Variants in EI24 observed in about 807,000 individuals in gnomAD.
The protein encoded by EI24 is etoposide-induced protein 2.4 homolog.
Under a neutral mutation model 48.6 loss-of-function variants are expected in EI24, and 21 were observed. The ratio of observed to expected loss-of-function variants is 0.43; its 90% CI spans 0.31 to 0.62. EI24 has a LOEUF of 0.62. Ranked by LOEUF, EI24 falls within the 20% of genes least tolerant of loss-of-function variation. EI24 has a pLI of 0.10. For synonymous variants in EI24, 114 were observed against 145.5 expected, an observed-to-expected ratio of 0.78 and a Z score of 1.56; for missense variants, 280 against 410.5, an observed-to-expected ratio of 0.68 and a Z score of 2.75.
intron 2 of EI24, among the ~76,000 whole-genome samples, chr11:125,574,493 T>C (rs1374228090): frequency 6.6e-6 from 1 of 152,248 alleles, no homozygotes; most frequent in African/African-American, 2.4e-5. Context: ...CAATTTATGT[T>C]CCTGTTAACA....
chr11:125,573,276 A>G (rs12288996), intron 2 of EI24, among the ~76,000 whole-genome samples: 1,890 of 152,244 alleles, frequency 0.012, 34 homozygotes, highest in African/African-American at 0.034. Context: ...CCCTATAAAG[A>G]TCTGGTTAGG....
At chr11:125,581,928 C>T (rs566186272) in intron 9 of EI24, among the ~76,000 whole-genome samples, 15 of 152,008 alleles carry the variant, frequency 9.9e-5, no homozygotes, top group Non-Finnish European at 1.8e-4. Flanking sequence ...CTGGGTGCCA[C>T]GGCTCACGCC....
intron 5 of EI24, 151 bp from the exon 6 acceptor site, chr11:125,577,982 G>T: frequency 1.2e-6 from 1 of 858,040 alleles, no homozygotes; most frequent in Non-Finnish European, 1.8e-6. Context: ...TCTATTATGA[G>T]TTAGACTCTT....
chr11:125,577,527 A>T lies in EI24; in HGVS notation c.273A>T (p.Arg91=). 1 of 1,613,770 alleles carries T rather than the reference A, an allele frequency of 6.2e-7. No individual in the cohort carries two copies. The highest frequency in any genetic ancestry group is 8.5e-7 in the Non-Finnish European group (1 of 1,179,836). The change falls in exon 5 of 11, where the codon CGA becomes CGT. Residue 91 remains arginine, a synonymous_variant. Transcript: ENST00000278903. ...AGTTCAGTCTCCTCTTGTTTTATCG[A>T]GTATTTATTCCTGTGCTTCAGTCGG... ...VFWFSLLLFY[R]VFIPVLQSVT... is the part of the protein sequence containing the mutation.
At chr11:125,582,673 CAT>C (rs1939063165) in intron 10 of EI24, among the ~76,000 whole-genome samples, 1 of 152,112 alleles carries the variant, frequency 6.6e-6, no homozygotes, top group Non-Finnish European at 1.5e-5. Flanking sequence ...GACCTGGCCA[CAT>C]GAGTTTATTG....
At chr11:125,573,734 G>A (rs1938624723) in intron 2 of EI24, among the ~76,000 whole-genome samples, 1 of 140,040 alleles carries the variant, frequency 7.1e-6, no homozygotes, top group South Asian at 2.3e-4. Context: ...CAGGCTGGAG[G>A]GCAGTGGTGC....
chr11:125,581,097 A>ATAATAATAG lies in EI24; in HGVS notation c.674-106_674-105insGTAATAATA, dbSNP rs529208672. On this transcript the variant is annotated intron_variant, in intron 8 of 10. Transcript: ENST00000278903. ...ATCTCAAATAATAATAATAATAATA[A>ATAATAATAG]TAATAATAATAATAAAATCTGTACC... The ATAATAATAG allele has an allele frequency of 3.8e-3, 945 of 251,902 alleles. 6 individuals carry two copies. The highest frequency in any genetic ancestry group is 0.021 in the African/African-American group (898 of 43,022). 15.6% of individuals were successfully genotyped at this position (251,902 alleles called of 1,614,324 possible).
intron 8 of EI24, 96 bp downstream of exon 8, chr11:125,580,300 C>A: frequency 1.1e-6 from 1 of 920,112 alleles, no homozygotes; most frequent in Non-Finnish European, 1.7e-6. Flanking sequence ...AGGCTTTTGG[C>A]AAACAATCCT....
chr11:125,571,792 CACTT>C (rs1938543407), intron 1 of EI24, among the ~76,000 whole-genome samples: 1 of 152,122 alleles, frequency 6.6e-6, no homozygotes, highest in African/African-American at 2.4e-5. Flanking sequence ...GCAAGAGAAT[CACTT>C]GAACCTGGGA....
intron 9 of EI24, 27 bp from the exon 10 acceptor site, chr11:125,582,315 CTAAT>C (rs1239396576): frequency 3.4e-6 from 5 of 1,467,390 alleles, no homozygotes; most frequent in Admixed American, 2.2e-5. Flanking sequence ...ATGAAGGTGA[CTAAT>C]TATTTCTTTT....
At chr11:125,570,424 G>A (rs1398889027) in intron 1 of EI24, 2 of 152,208 alleles carry the variant, frequency 1.3e-5, no homozygotes, top group African/African-American at 2.4e-5. Flanking sequence ...TGTCAGACTG[G>A]GTAATTCACC....
At chr11:125,577,954 T>C in intron 5 of EI24, 179 bp from the exon 6 acceptor site, 1 of 693,324 alleles carries the variant, frequency 1.4e-6, no homozygotes, top group South Asian at 2.0e-5. Context: ...ATTGGAATTG[T>C]GGCCAGAATG....
intron 5 of EI24, 99 bp from the exon 6 acceptor site, chr11:125,578,034 C>T (rs1938819445): frequency 7.0e-7 from 1 of 1,426,594 alleles, no homozygotes; most frequent in African/African-American, 1.4e-5. Context: ...CTAGAAAGAT[C>T]CAGGAGGAGA....
In EI24 at chr11:125,582,749, T is replaced by A. The variant is rs186567953; in HGVS notation, c.860+329T>A. On this transcript the variant is annotated intron_variant, in intron 10 of 10. Transcript: ENST00000278903. ...CAATAATAATAGCATTCTAAAAGTTTTATTACTTCAAAGAAAAGCTCAATT... is the reference window on the plus strand; with the variant it reads ...CAATAATAATAGCATTCTAAAAGTTATATTACTTCAAAGAAAAGCTCAATT... Among the ~76,000 whole-genome samples the A allele has an allele frequency of 3.3e-5, 5 of 152,350 alleles. No individual in the cohort carries two copies. The East Asian group carries it at 9.6e-4, about 29-fold the overall frequency.
chr11:125,574,821 A>G (rs1436696894), intron 2 of EI24: 1 of 153,098 alleles, frequency 6.5e-6, no homozygotes, highest in African/African-American at 2.4e-5. Context: ...ATATTTAAAA[A>G]CTTTTTTAAA....
chr11:125,570,000 T>C (rs1007619876), intron 1 of EI24: 1 of 153,712 alleles, frequency 6.5e-6, no homozygotes, highest in African/African-American at 2.4e-5. Flanking sequence ...AGCTTCCTGT[T>C]TGCCGAGACT....
rs570602726 is a variant in EI24 at position 125,584,684 on chromosome 11, A to G, written c.*1001A>G. 6.6e-6 allele frequency: 1 copy of G among 152,348 alleles called. No homozygotes were observed. Among genetic ancestry groups the G allele is most frequent in the South Asian group, 2.1e-4 (1 of 4,832 alleles). 9.4% of individuals were successfully genotyped at this position (152,348 alleles called of 1,614,324 possible). On this transcript the variant is annotated 3_prime_UTR_variant, in exon 11 of 11. Coordinates refer to ENST00000278903, the MANE Select transcript of EI24 (RefSeq NM_004879.5). ...TTAAACATGAGCTGGTTTCCCACAA[A>G]GTGTCTAATGGTTGAATTTGCAAAT...
intron 2 of EI24, among the ~76,000 whole-genome samples, chr11:125,572,985 G>T (rs1291421503): frequency 6.6e-6 from 1 of 151,808 alleles, no homozygotes; most frequent in Non-Finnish European, 1.5e-5. Flanking sequence ...ATGAACATTG[G>T]TTCAGTACTA....
chr11:125,583,782 C>T lies in EI24; in HGVS notation c.*99C>T. On this transcript the variant is annotated 3_prime_UTR_variant, in exon 11 of 11. Transcript: ENST00000278903. Reference sequence around the variant, plus strand: ...CCTGCCAGGGAAGGCAGGACCCGCTCTGCCAAGGGCCCTCTGCGTATTCCC... The same window carrying T: ...CCTGCCAGGGAAGGCAGGACCCGCTTTGCCAAGGGCCCTCTGCGTATTCCC... 6.6e-7 allele frequency: 1 copy of T among 1,504,014 alleles called. No individual in the cohort carries two copies. Among genetic ancestry groups the T allele is most frequent in the Non-Finnish European group, 9.0e-7 (1 of 1,106,794 alleles). The allele number at this position is 1,504,014 out of a possible 1,614,324, so 93.2% of individuals were successfully genotyped here. A position where few individuals can be genotyped will look rare whatever the true frequency, so the allele number is the denominator to read the frequency against.
Sources: gnomAD v4.1 joint callset for allele counts (sites outside exome capture counted in the v4.1 genomes callset) on GRCh38, gnomAD v4.1.1 for gene constraint, MANE v1.5 for transcripts, NCBI Gene and HGNC (gene_info 2026-07-23, HGNC 2026-07-21) for gene names.